The following CPE variants were observed in gnomAD, a reference collection of about 807,000 sequenced individuals.
The protein encoded by CPE is carboxypeptidase E, also known as carbocypeptidase E.
A neutral mutation model predicts 53.5 loss-of-function variants in CPE; 17 were observed. That is an observed-to-expected ratio of 0.32 (90% confidence interval 0.22 to 0.48). The LOEUF is 0.48. CPE is among the 20% of genes least tolerant of loss of function. The pLI, the probability that CPE is intolerant of heterozygous loss-of-function variation, is 0.99. For missense variants in CPE, 524 were observed against 614.7 expected, an observed-to-expected ratio of 0.85 and a Z score of 1.56; for synonymous variants, 226 against 228.8, an observed-to-expected ratio of 0.99 and a Z score of 0.11.
intron 1 of CPE, among the ~76,000 whole-genome samples, chr4:165,430,884 C>T (rs935340309): frequency 1.3e-5 from 2 of 152,118 alleles, no homozygotes; most frequent in African/African-American, 4.8e-5. Flanking sequence ...GGACTCTGGA[C>T]AAGGCCTCTG....
At chr4:165,462,210 TA>T (rs1370589850) in intron 1 of CPE, among the ~76,000 whole-genome samples, 16 of 152,184 alleles carry the variant, frequency 1.1e-4, no homozygotes, top group Admixed American at 9.8e-4. Flanking sequence ...GTGGCAGAAC[TA>T]GGGGGAGCAT....
At chr4:165,461,714 C>T (rs1732011729) in intron 1 of CPE, among the ~76,000 whole-genome samples, 1 of 152,164 alleles carries the variant, frequency 6.6e-6, no homozygotes, top group Non-Finnish European at 1.5e-5. Flanking sequence ...GGAATGCTGA[C>T]ATATTTGCTT....
intron 1 of CPE, among the ~76,000 whole-genome samples, chr4:165,419,643 C>T (rs957346347): frequency 3.9e-5 from 6 of 152,216 alleles, no homozygotes; most frequent in Admixed American, 6.5e-5. Context: ...AACTCAATTC[C>T]GTGTCTTTCA....
intron 1 of CPE, among the ~76,000 whole-genome samples, chr4:165,412,679 A>G (rs1731060472): frequency 6.6e-6 from 1 of 152,198 alleles, no homozygotes; most frequent in African/African-American, 2.4e-5. Context: ...TGTGCACTTT[A>G]TCCTAAAAAC....
rs1730454646 is a variant in CPE, at chr4:165,379,019, C to T, written c.-203C>T. 3.1e-5 allele frequency: 12 copies of T among 381,202 alleles called. No individual in the cohort carries two copies. In the East Asian group the frequency reaches 5.3e-4, roughly 17 times the overall value. The allele number at this position is 381,202 out of a possible 1,614,324, so 23.6% of individuals were successfully genotyped here. On this transcript the variant is annotated 5_prime_UTR_variant, in exon 1 of 9. Transcript: ENST00000402744. The surrounding 1 kb of genome is among the most constrained non-coding windows in gnomAD (Gnocchi z 6.0). The stretch of plus-strand genomic sequence containing the variant: ...TGGGCTCCGCGGCCAGTAGTGCAGC[C>T]CGTGGAGCCGCGGCTTTGCCCGTCT...
At position 165,379,829 on chromosome 4, in the gene CPE, G is replaced by A. The variant is rs1341408998; in HGVS notation, c.307+301G>A. On this transcript the variant is annotated intron_variant, in intron 1 of 8. Coordinates refer to ENST00000402744, the MANE Select transcript of CPE (RefSeq NM_001873.4). This position sits in a 1 kb window ranked among gnomAD's most constrained non-coding sequence, Gnocchi z 6.0. ...TTGGGAGGCTGGGGTGGCGGGGGAT[G>A]GGGGGGATAGCAATACAGAAAAAAC... 6.6e-6 allele frequency among the ~76,000 whole-genome samples: 1 copy of A among 152,002 alleles called. No individual in the cohort carries two copies. Among genetic ancestry groups the A allele is most frequent in the Admixed American group, 6.5e-5 (1 of 15,272 alleles).
chr4:165,441,186 C>T (rs1579262779), intron 1 of CPE, among the ~76,000 whole-genome samples: 2 of 152,212 alleles, frequency 1.3e-5, no homozygotes, highest in African/African-American at 2.4e-5. Context: ...GTCGAGACCC[C>T]GTTCACTCTC....
chr4:165,422,918 A>G (rs1324264732), intron 1 of CPE, among the ~76,000 whole-genome samples: 2 of 144,426 alleles, frequency 1.4e-5, no homozygotes, highest in African/African-American at 5.2e-5. Flanking sequence ...CGGAGCTTGC[A>G]GTGAGCCGAG....
At chr4:165,398,238 A>C (rs1258146622) in intron 1 of CPE, among the ~76,000 whole-genome samples, 1 of 152,072 alleles carries the variant, frequency 6.6e-6, no homozygotes, top group African/African-American at 2.4e-5. Context: ...TATTAGTAAA[A>C]GATTGATAAG....
chr4:165,423,736 G>A (rs1195199030), intron 1 of CPE, among the ~76,000 whole-genome samples: 1 of 151,350 alleles, frequency 6.6e-6, no homozygotes, highest in Non-Finnish European at 1.5e-5. Flanking sequence ...CTGGTGCGCT[G>A]CACCCACTAA....
At chr4:165,419,644 G>A (rs79144574) in intron 1 of CPE, among the ~76,000 whole-genome samples, 15 of 152,234 alleles carry the variant, frequency 9.9e-5, no homozygotes, top group Admixed American at 3.9e-4. Context: ...ACTCAATTCC[G>A]TGTCTTTCAA....
chr4:165,427,446 C>T (rs578021767), intron 1 of CPE, among the ~76,000 whole-genome samples: 1 of 152,154 alleles, frequency 6.6e-6, no homozygotes, highest in South Asian at 2.1e-4. Context: ...ATTTTCTCAA[C>T]CATTTTCTAT....
At chr4:165,493,120 C>T (rs775367854) in intron 6 of CPE, 51 bp from the exon 7 acceptor site, 34 of 1,188,822 alleles carry the variant, frequency 2.9e-5, no homozygotes, top group Non-Finnish European at 4.1e-5. Context: ...AAGGCCATTT[C>T]TATAAATTTA....
intron 1 of CPE, among the ~76,000 whole-genome samples, chr4:165,384,459 C>A (rs1181712329): frequency 1.3e-5 from 2 of 152,096 alleles, no homozygotes; most frequent in Admixed American, 6.5e-5. Context: ...CCTGTCTCTA[C>A]AAAAAAATAA....
chr4:165,482,424 A>T, intron 4 of CPE, 65 bp downstream of exon 4: 1 of 1,107,944 alleles, frequency 9.0e-7, no homozygotes, highest in African/African-American at 1.6e-5. Context: ...GTTTTATAAG[A>T]TGATTTCTGT....
chr4:165,464,555 A>C lies in CPE; in HGVS notation c.473A>C (p.Asn158Thr), dbSNP rs764725076. The C allele has an allele frequency of 6.2e-7, 1 of 1,612,690 alleles. No individual in the cohort carries two copies. Among genetic ancestry groups the C allele is most frequent in the Non-Finnish European group, 8.5e-7 (1 of 1,179,222 alleles). ...STRIHIMPSLNPDGFEKAASQ... is the reference protein window; with the variant it reads ...STRIHIMPSLTPDGFEKAASQ... ...CGCATTCACATCATGCCTTCCCTGA[A>C]CCCAGATGGCTTTGAGAAGGCAGCG... is the stretch of plus-strand genomic sequence containing the variant. The change falls in exon 2 of 9, where the codon AAC becomes ACC. Residue 158 changes from asparagine to threonine, a missense_variant. Physicochemically the swap from Asn to Thr is moderately conservative, Grantham distance 65 (BLOSUM62 0). Coordinates refer to ENST00000402744, the MANE Select transcript of CPE (RefSeq NM_001873.4).
intron 1 of CPE, among the ~76,000 whole-genome samples, chr4:165,420,620 A>G (rs1411391610): frequency 1.3e-5 from 2 of 151,652 alleles, no homozygotes. Flanking sequence ...GGTACTTTAT[A>G]TTTTTAAGTT....
chr4:165,404,612 A>G, intron 1 of CPE: 1 of 1,118,072 alleles, frequency 8.9e-7, no homozygotes, highest in Non-Finnish European at 1.4e-6. Context: ...GGCGGCACCC[A>G]CAGGAAGGCC....
intron 1 of CPE, among the ~76,000 whole-genome samples, chr4:165,412,979 G>A (rs1041502648): frequency 6.6e-6 from 1 of 152,192 alleles, no homozygotes; most frequent in Non-Finnish European, 1.5e-5. Context: ...ATCAAACCCA[G>A]ACTTCTTCGC....
Sources: allele counts gnomAD v4.1 joint callset (sites outside exome capture counted in the v4.1 genomes callset), GRCh38; gene constraint gnomAD v4.1.1; non-coding constraint Gnocchi (gnomAD v3.1); transcripts MANE v1.5; gene names NCBI Gene and HGNC (gene_info 2026-07-23, HGNC 2026-07-21).